Variants in FRRS1 observed in about 807,000 individuals in gnomAD.
FRRS1 encodes ferric reductase 1.
In FRRS1, 51 loss-of-function variants were observed where a neutral mutation model predicts 70.7. The ratio of observed to expected loss-of-function variants is 0.72; its 90% CI spans 0.58 to 0.91. The LOEUF is 0.91. FRRS1 is among the 40% of genes least tolerant of loss of function. FRRS1 has a pLI of 0.00. For missense variants in FRRS1, 672 were observed against 726.0 expected (o/e 0.93, Z 0.86); for synonymous variants, 225 against 238.7 (o/e 0.94, Z 0.53).
At chr1:99,752,368 T>C (rs960974044) in intron 1 of FRRS1, among the ~76,000 whole-genome samples, 1 of 152,190 alleles carries the variant, frequency 6.6e-6, no homozygotes, top group African/African-American at 2.4e-5. Context: ...ACTTGAACAC[T>C]TACAGGCCAT....
chr1:99,739,240 A>C (rs1026422691), intron 6 of FRRS1, among the ~76,000 whole-genome samples: 3 of 152,196 alleles, frequency 2.0e-5, no homozygotes, highest in Admixed American at 6.5e-5. Context: ...AAATGCTATA[A>C]ACCTTTGACT....
At chr1:99,730,953 T>C (rs754657019) in intron 7 of FRRS1, among the ~76,000 whole-genome samples, 12 of 151,040 alleles carry the variant, frequency 7.9e-5, no homozygotes, top group Non-Finnish European at 1.2e-4. Context: ...GGAGAATCAC[T>C]TGAGCCCAGG....
intron 4 of FRRS1, among the ~76,000 whole-genome samples, chr1:99,745,111 A>C (rs571252377): frequency 3.5e-4 from 53 of 152,344 alleles, no homozygotes; most frequent in African/African-American, 1.2e-3. Context: ...CTTATTAGTA[A>C]AGAAGAGAAG....
chr1:99,728,783 T>C, intron 8 of FRRS1, 143 bp from the exon 9 acceptor site: 1 of 574,854 alleles, frequency 1.7e-6, no homozygotes, highest in Non-Finnish European at 2.9e-6. Flanking sequence ...GTTTTTCCAC[T>C]TCCTCTTTGA....
intron 9 of FRRS1, among the ~76,000 whole-genome samples, chr1:99,725,395 C>CA (rs748242818): frequency 1.3e-5 from 2 of 152,246 alleles, no homozygotes; most frequent in African/African-American, 4.8e-5. Context: ...GACTGCCTTG[C>CA]AATGTGCATA....
At position 99,707,678 on chromosome 1, in the gene FRRS1, T is replaced by C. The variant is rs112845009; in HGVS notation, c.*1350A>G. ...CCATCCGGTAATGTTACCTAAATACTAGAAAGGAATCAGCACAAGGAAACA... is the reference window on the plus strand; with the variant it reads ...CCATCCGGTAATGTTACCTAAATACCAGAAAGGAATCAGCACAAGGAAACA... On this transcript the variant is annotated 3_prime_UTR_variant, in exon 17 of 17. Coordinates refer to ENST00000646001, the MANE Select transcript of FRRS1 (RefSeq NM_001361041.2). 2.0e-3 allele frequency among the ~76,000 whole-genome samples: 303 copies of C among 152,318 alleles called. No homozygotes were observed. Among genetic ancestry groups the C allele is most frequent in the Non-Finnish European group, 3.3e-3 (226 of 68,018 alleles).
At position 99,748,720 on chromosome 1, in the gene FRRS1, T is replaced by C; in HGVS notation, c.49A>G (p.Ile17Val). 1 of 1,614,074 alleles carries C rather than the reference T, an allele frequency of 6.2e-7. No individual in the cohort carries two copies. Among genetic ancestry groups the C allele is most frequent in the East Asian group, 2.2e-5 (1 of 44,866 alleles). ...TTGGGATAATTAGCCACATAACTAA[T>C]GTGCAACAGAAGTATGCAGGTACCA... is the stretch of plus-strand genomic sequence containing the variant. ...TLGTCILLLH[I>V]SYVANYPNGK... is the part of the protein sequence containing the mutation. Residue 17 changes from isoleucine (I) to valine (V), a missense_variant, in exon 3 of 17, where the codon ATT (isoleucine) becomes GTT (valine). Ile to Val is a conservative substitution (Grantham distance 29, BLOSUM62 3). Transcript: ENST00000646001.
rs75607982 is a variant in FRRS1 at position 99,714,112 on chromosome 1, C to T, written c.1323+1474G>A. On this transcript the variant is annotated intron_variant, in intron 12 of 16. Coordinates refer to ENST00000646001, the MANE Select transcript of FRRS1 (RefSeq NM_001361041.2). ...ATGAAGGTCCCTGGAAGAACTTTGA[C>T]TTTTACTCTTAATAAAATTGAGAGA... is the stretch of plus-strand genomic sequence containing the variant. 2.5e-3 allele frequency among the ~76,000 whole-genome samples: 386 copies of T among 151,690 alleles called. 4 individuals carry two copies. The highest frequency in any genetic ancestry group is 9.1e-3 in the African/African-American group (377 of 41,312).
At chr1:99,764,542 T>A (rs1316251002) in intron 1 of FRRS1, among the ~76,000 whole-genome samples, 2 of 152,218 alleles carry the variant, frequency 1.3e-5, no homozygotes, top group Non-Finnish European at 2.9e-5. Flanking sequence ...TTTGTTTTGA[T>A]AAAGAAGACC....
chr1:99,731,138 A>C (rs986239326), intron 7 of FRRS1, among the ~76,000 whole-genome samples: 2 of 152,236 alleles, frequency 1.3e-5, no homozygotes, highest in African/African-American at 4.8e-5. Flanking sequence ...AAAAAGAAGC[A>C]GACTGTAACT....
intron 12 of FRRS1, among the ~76,000 whole-genome samples, chr1:99,712,859 C>T (rs1557682907): frequency 1.3e-5 from 2 of 152,078 alleles, no homozygotes; most frequent in Admixed American, 1.3e-4. Context: ...TGCTACCTTT[C>T]CCCATCAGGA....
intron 7 of FRRS1, among the ~76,000 whole-genome samples, chr1:99,735,764 C>T (rs6577127): frequency 0.49 from 75,101 of 152,006 alleles, 22,548 homozygotes; most frequent in African/African-American, 0.85. Flanking sequence ...TGCTTTTGTG[C>T]CATCAATGCC....
intron 11 of FRRS1, among the ~76,000 whole-genome samples, chr1:99,716,140 G>C (rs950580955): frequency 2.0e-5 from 3 of 152,188 alleles, no homozygotes; most frequent in African/African-American, 2.4e-5. Flanking sequence ...TATAATTCAT[G>C]ATACAAATTA....
At chr1:99,722,508 A>T (rs1485199708) in intron 9 of FRRS1, among the ~76,000 whole-genome samples, 1 of 152,202 alleles carries the variant, frequency 6.6e-6, no homozygotes, top group African/African-American at 2.4e-5. Context: ...TCAGTTATAT[A>T]TTAAGAGAAT....
In FRRS1 at chr1:99,728,584, G is replaced by A. The variant is rs759397034; in HGVS notation, c.915C>T (p.Phe305=). ...RLADGVMQCS[F]RRNITLPGVK... is the part of the protein sequence containing the mutation. Reference sequence around the variant, plus strand: ...CTCCAGGAAGGGTAATGTTTCTTCTGAAAGAACACTGCATAACACCGTCCG... The same window carrying A: ...CTCCAGGAAGGGTAATGTTTCTTCTAAAAGAACACTGCATAACACCGTCCG... The change falls in exon 9 of 17, where the codon TTC becomes TTT. Residue 305 remains phenylalanine (F), a synonymous_variant. Transcript: ENST00000646001. 1.2e-6 allele frequency: 2 copies of A among 1,613,778 alleles called. No individual in the cohort carries two copies. The highest frequency in any genetic ancestry group is 2.2e-5 in the South Asian group (2 of 91,066).
At position 99,707,915 on chromosome 1, in the gene FRRS1, G is replaced by T. The variant is rs1402063266; in HGVS notation, c.*1113C>A. The stretch of plus-strand genomic sequence containing the variant: ...CTACAAGTAAACAGAATATCTATTA[G>T]ATATGTTCACAAGGGTTTTATCAAT... On this transcript the variant is annotated 3_prime_UTR_variant, in exon 17 of 17. Coordinates refer to ENST00000646001, the MANE Select transcript of FRRS1 (RefSeq NM_001361041.2). Among the ~76,000 whole-genome samples, 2 of 152,164 alleles carry T rather than the reference G, an allele frequency of 1.3e-5. No individual in the cohort carries two copies. Among genetic ancestry groups the T allele is most frequent in the East Asian group, 3.8e-4 (2 of 5,200 alleles).
At chr1:99,715,356 A>G (rs1654467409) in intron 12 of FRRS1, among the ~76,000 whole-genome samples, 1 of 152,216 alleles carries the variant, frequency 6.6e-6, no homozygotes, top group South Asian at 2.1e-4. Flanking sequence ...TAGCATGTAT[A>G]TAACTCATGA....
chr1:99,706,964 G>C lies in FRRS1; in HGVS notation c.*2064C>G, dbSNP rs1013062690. On this transcript the variant is annotated 3_prime_UTR_variant, in exon 17 of 17. Transcript: ENST00000646001. The stretch of plus-strand genomic sequence containing the variant: ...TTAAGAGAAATTTATTAACATTTAA[G>C]CTCCTTAGTATAGAAAACTGGAGGA... Among the ~76,000 whole-genome samples, 2 of 151,832 alleles carry C rather than the reference G, an allele frequency of 1.3e-5. No homozygotes were observed. Among genetic ancestry groups the C allele is most frequent in the Non-Finnish European group, 2.9e-5 (2 of 67,982 alleles).
intron 1 of FRRS1, among the ~76,000 whole-genome samples, chr1:99,753,886 T>C (rs148146784): frequency 3.8e-4 from 58 of 152,350 alleles, no homozygotes; most frequent in African/African-American, 1.4e-3. Context: ...TTATGTGTTT[T>C]CTACAGGACA....
Sources: gnomAD v4.1 joint callset for allele counts (sites outside exome capture counted in the v4.1 genomes callset) on GRCh38, gnomAD v4.1.1 for gene constraint, MANE v1.5 for transcripts, NCBI Gene and HGNC (gene_info 2026-07-23, HGNC 2026-07-21) for gene names.